The following MTMR4 variants were observed in gnomAD, a reference collection of about 807,000 sequenced individuals.
The protein encoded by MTMR4 is myotubularin related protein 4.
In MTMR4, 30 loss-of-function variants were observed where a neutral mutation model predicts 125.5. The observed-to-expected ratio is 0.24, with a 90% confidence interval of 0.18 to 0.32. MTMR4 has a LOEUF of 0.32. Among genes scored for constraint, MTMR4 ranks in the 10% least tolerant of loss-of-function variants. The pLI is 1.00. For synonymous variants in MTMR4, 498 were observed against 564.5 expected, an observed-to-expected ratio of 0.88 and a Z score of 1.67; for missense variants, 1,039 against 1,511.5, an observed-to-expected ratio of 0.69 and a Z score of 5.18.
At chr17:58,501,840 C>G in intron 14 of MTMR4, among the ~76,000 whole-genome samples, 1 of 151,944 alleles carries the variant, frequency 6.6e-6, no homozygotes, top group Non-Finnish European at 1.5e-5. Context: ...TGGTGGATAA[C>G]TTGAGGTCAG....
chr17:58,498,316 T>C (rs533370876), intron 14 of MTMR4, among the ~76,000 whole-genome samples: 1 of 152,010 alleles, frequency 6.6e-6, no homozygotes, highest in African/African-American at 2.4e-5. Context: ...TCTGCCATCC[T>C]CCACAACTCA....
chr17:58,492,767 A>C (rs1975347897), intron 16 of MTMR4, 75 bp downstream of exon 16: 2 of 1,417,974 alleles, frequency 1.4e-6, no homozygotes, highest in Non-Finnish European at 2.0e-6. Context: ...AGTCTACAGC[A>C]TGTCATTCAT....
chr17:58,510,648 A>AT (rs997173409), intron 4 of MTMR4: 1 of 151,952 alleles, frequency 6.6e-6, no homozygotes, highest in Non-Finnish European at 1.5e-5. Flanking sequence ...AATTTTTTAT[A>AT]TTTTTAGTAG....
intron 15 of MTMR4, 133 bp from the exon 16 acceptor site, chr17:58,493,085 C>T: frequency 1.6e-6 from 1 of 633,690 alleles, no homozygotes; most frequent in East Asian, 2.8e-5. Flanking sequence ...ATGTATACTA[C>T]TAATATCCCC....
intron 3 of MTMR4, 80 bp from the exon 4 acceptor site, chr17:58,511,591 G>T: frequency 1.7e-6 from 2 of 1,194,676 alleles, no homozygotes; most frequent in Non-Finnish European, 2.4e-6. Flanking sequence ...AGGCACTAAT[G>T]TATCAATAGC....
intron 14 of MTMR4, among the ~76,000 whole-genome samples, chr17:58,497,965 T>G (rs1340994281): frequency 6.6e-6 from 1 of 152,188 alleles, no homozygotes; most frequent in Non-Finnish European, 1.5e-5. Flanking sequence ...CAGTGGCTCA[T>G]GCCTATAATC....
At chr17:58,518,247 C>A (rs551960726), upstream of MTMR4, among the ~76,000 whole-genome samples, 5 of 152,292 alleles carry the variant, frequency 3.3e-5, no homozygotes, top group South Asian at 1.0e-3. Context: ...ACTGGTAGCG[C>A]AATTAGAGGC....
intron 10 of MTMR4, among the ~76,000 whole-genome samples, chr17:58,505,217 T>C (rs1202553867): frequency 6.6e-6 from 1 of 152,174 alleles, no homozygotes; most frequent in East Asian, 1.9e-4. Context: ...CACTCAGCCA[T>C]TTCCTCTCCC....
Position 58,508,087 on chromosome 17 carries a change from C to T in MTMR4, c.707+74G>A, listed in dbSNP as rs528556808. 1 of 1,174,188 alleles carries T rather than the reference C, an allele frequency of 8.5e-7. No homozygotes were observed. The highest frequency in any genetic ancestry group is 1.5e-5 in the African/African-American group (1 of 66,154). The allele number at this position is 1,174,188 out of a possible 1,614,324, so 72.7% of individuals were successfully genotyped here. ...TCAATTCTCAGTCAACCAGGTTACC[C>T]AAAATCTCCAATTTTGACTCTTTCC... On this transcript the variant is annotated intron_variant, in intron 7 of 17. Coordinates refer to ENST00000682306, the MANE Select transcript of MTMR4 (RefSeq NM_001378067.1). This position sits in a 1 kb window ranked among gnomAD's most constrained non-coding sequence, Gnocchi z 4.8.
rs755435258 is a variant in MTMR4 at position 58,504,020 on chromosome 17, A to C, written c.1698+30T>G. On this transcript the variant is annotated intron_variant, in intron 13 of 17. Transcript: ENST00000682306. The surrounding 1 kb of genome is among the most constrained non-coding windows in gnomAD (Gnocchi z 7.1). ...TGCTTCTCCCTATAGGTTTCTAAAT[A>C]GCACCTACAGGAAAAGGGCTCAGAC... 6.5e-7 allele frequency: 1 copy of C among 1,533,800 alleles called. No individual in the cohort carries two copies.
intron 7 of MTMR4, 73 bp from the exon 8 acceptor site, chr17:58,507,392 C>T: frequency 1.4e-6 from 2 of 1,418,846 alleles, no homozygotes; most frequent in South Asian, 2.6e-5. Context: ...GGGGTTAGAC[C>T]AAAGTCTCTA....
At chr17:58,500,165 C>T (rs531275639) in intron 14 of MTMR4, among the ~76,000 whole-genome samples, 5 of 152,024 alleles carry the variant, frequency 3.3e-5, no homozygotes, top group African/African-American at 9.6e-5. Context: ...CTCGCTGTGT[C>T]ACCCAGGCTG....
At position 58,504,377 on chromosome 17, in the gene MTMR4, G is replaced by A. The variant is rs1334464731; in HGVS notation, c.1453C>T (p.Leu485Phe). 6.2e-7 allele frequency: 1 copy of A among 1,614,116 alleles called. No individual in the cohort carries two copies. The highest frequency in any genetic ancestry group is 8.5e-7 in the Non-Finnish European group (1 of 1,180,022). ...TGATGAACAGAATCAAGCCACTGGA[G>A]GAACACAGGGCATTGTTCGTTTTGG... ...EDQNEQCPVFLQWLDSVHQLL... is the reference protein window; with the variant it reads ...EDQNEQCPVFFQWLDSVHQLL... Residue 485 changes from leucine (L) to phenylalanine (F), a missense_variant, in exon 12 of 18, where the codon CTC (leucine) becomes TTC (phenylalanine). Physicochemically the swap from Leu to Phe is conservative, Grantham distance 22. Transcript: ENST00000682306. This position sits in a 1 kb window ranked among gnomAD's most constrained non-coding sequence, Gnocchi z 7.1.
chr17:58,510,183 C>T (rs1189780766), intron 4 of MTMR4, among the ~76,000 whole-genome samples: 1 of 152,182 alleles, frequency 6.6e-6, no homozygotes, highest in Non-Finnish European at 1.5e-5. Context: ...TGCTCAAAAT[C>T]CTCCAGTGGT....
Position 58,495,496 on chromosome 17 carries a change from T to G in MTMR4, c.2688A>C (p.Lys896Asn). Residue 896 changes from lysine (K) to asparagine (N), a missense_variant, in exon 15 of 18, where the codon AAA becomes AAC. Physicochemically the swap from Lys to Asn is moderately conservative, Grantham distance 94. Around this residue, in one of 6 missense-constraint regions of MTMR4, gnomAD observed 619 missense variants for 714.5 expected, o/e 0.87. Transcript: ENST00000682306. Reference protein sequence around the residue: ...GQLLENPRFGKMPLELVRKPI... With the variant: ...GQLLENPRFGNMPLELVRKPI... ...GCTTCCGGACCAATTCCAATGGCAT[T>G]TTCCCAAAGCGAGGATTTTCCAATA... 1.2e-6 allele frequency: 2 copies of G among 1,614,240 alleles called. No individual in the cohort carries two copies. The highest frequency in any genetic ancestry group is 1.7e-6 in the Non-Finnish European group (2 of 1,180,038).
At chr17:58,502,871 C>T (rs1027104778) in intron 14 of MTMR4, among the ~76,000 whole-genome samples, 1 of 152,160 alleles carries the variant, frequency 6.6e-6, no homozygotes, top group African/African-American at 2.4e-5. Context: ...TTTATATTGA[C>T]TATTTTTTTA....
rs748480906 is a variant in MTMR4 at position 58,504,154 on chromosome 17, G to A, written c.1594C>T (p.Arg532Ter). 1 of 1,612,552 alleles carries A rather than the reference G, an allele frequency of 6.2e-7. No homozygotes were observed. Among genetic ancestry groups the A allele is most frequent in the Non-Finnish European group, 8.5e-7 (1 of 1,179,376 alleles). The change falls in exon 13 of 18, where the codon CGA (arginine) becomes TGA (stop). Residue 532 changes from arginine (R) to a stop codon, truncating the protein, a stop_gained. Transcript: ENST00000682306. LOFTEE classifies it high-confidence loss of function. This position sits in a 1 kb window ranked among gnomAD's most constrained non-coding sequence, Gnocchi z 7.1. ...GTFLANNPCE[R>*]EKRNIYKRTC... The stretch of plus-strand genomic sequence containing the variant: ...CGCTTGTAGATGTTGCGCTTCTCTC[G>A]CTCACAGGGGTTGTTGGCCAGGAAG...
chr17:58,501,937 T>C (rs1023640664), intron 14 of MTMR4, among the ~76,000 whole-genome samples: 2 of 151,804 alleles, frequency 1.3e-5, no homozygotes. Flanking sequence ...CGCATGCCTG[T>C]AATCCCAGCT....
In MTMR4 at chr17:58,508,655, T is replaced by G. The variant is rs1265829239; in HGVS notation, c.496+26A>C. The G allele has an allele frequency of 6.2e-7, 1 of 1,613,278 alleles. No homozygotes were observed. The highest frequency in any genetic ancestry group is 1.3e-5 in the African/African-American group (1 of 74,900). On this transcript the variant is annotated intron_variant, in intron 5 of 17. Coordinates refer to ENST00000682306, the MANE Select transcript of MTMR4 (RefSeq NM_001378067.1). This position sits in a 1 kb window ranked among gnomAD's most constrained non-coding sequence, Gnocchi z 4.8. ...GAGAACTAAGGGGTAAGAAGCAGCC[T>G]CCCAAAGAAAATAGACTGGCCTCAC... is the stretch of plus-strand genomic sequence containing the variant.
Sources: allele counts gnomAD v4.1 joint callset (sites outside exome capture counted in the v4.1 genomes callset), GRCh38; gene constraint gnomAD v4.1.1; regional missense constraint gnomAD v4.1.1; non-coding constraint Gnocchi (gnomAD v3.1); transcripts MANE v1.5; gene names NCBI Gene and HGNC (gene_info 2026-07-23, HGNC 2026-07-21).